NFS1: variants seen among roughly 807,000 people sequenced by gnomAD.
NFS1 encodes cysteine desulfurase.
Under a neutral mutation model 57.3 loss-of-function variants are expected in NFS1, and 26 were observed. The observed-to-expected ratio is 0.45, with a 90% CI of 0.33 to 0.63. NFS1 has a LOEUF of 0.63. NFS1 is among the 20% of genes least tolerant of loss of function. The pLI is 0.02. For missense variants in NFS1, 505 were observed against 605.8 expected, an observed-to-expected ratio of 0.83 and a Z score of 1.75; for synonymous variants, 209 against 216.3, an observed-to-expected ratio of 0.97 and a Z score of 0.30.
chr20:35,683,722 C>T (rs2034889599), intron 5 of NFS1, among the ~76,000 whole-genome samples: 1 of 143,098 alleles, frequency 7.0e-6, no homozygotes, highest in Non-Finnish European at 1.5e-5. Flanking sequence ...GCAGAGGTTG[C>T]AGTGAGCCGA....
At chr20:35,681,817 C>T in intron 6 of NFS1, 71 bp downstream of exon 6, 1 of 837,926 alleles carries the variant, frequency 1.2e-6, no homozygotes, top group Non-Finnish European at 2.1e-6. Flanking sequence ...TAGAGTATTA[C>T]AGCTCTCAGT....
intron 12 of NFS1, 84 bp downstream of exon 12, chr20:35,672,671 G>C: frequency 1.1e-6 from 1 of 928,122 alleles, no homozygotes; most frequent in Non-Finnish European, 1.8e-6. Context: ...CTTTGGTTTT[G>C]GCAGTGTAAA....
At chr20:35,672,143 A>T (rs1293007195) in intron 12 of NFS1, among the ~76,000 whole-genome samples, 1 of 151,608 alleles carries the variant, frequency 6.6e-6, no homozygotes, top group Non-Finnish European at 1.5e-5. Context: ...TATTTTTAGG[A>T]GAGACGGGGT....
chr20:35,672,814 C>G lies in NFS1; in HGVS notation c.1251G>C (p.Glu417Asp). 1 of 1,612,490 alleles carries G rather than the reference C, an allele frequency of 6.2e-7. No homozygotes were observed. ...ATTTCTCCACTGTGTAGTCCACTTCCTCCTCTGTAGTGAAGCGGCCAATTC... is the reference window on the plus strand; with the variant it reads ...ATTTCTCCACTGTGTAGTCCACTTCGTCCTCTGTAGTGAAGCGGCCAATTC... ...RFGIGRFTTEEEVDYTVEKCI... is the reference protein window; with the variant it reads ...RFGIGRFTTEDEVDYTVEKCI... Residue 417 changes from glutamate to aspartate, a missense_variant, in exon 12 of 13, where the codon GAG becomes GAC. Glu to Asp is a conservative substitution (Grantham distance 45, BLOSUM62 2). Transcript: ENST00000374092.
At chr20:35,673,567 G>A in intron 11 of NFS1, 34 bp downstream of exon 11, 1 of 1,549,574 alleles carries the variant, frequency 6.5e-7, no homozygotes, top group Non-Finnish European at 8.9e-7. Context: ...ATAAGAGGAT[G>A]CCTTTCATAA....
intron 10 of NFS1, 132 bp from the exon 11 acceptor site, chr20:35,673,816 G>A: frequency 1.6e-6 from 1 of 643,424 alleles, no homozygotes; most frequent in Non-Finnish European, 2.7e-6. Context: ...CTTCTAATCT[G>A]GCAGAACTAA....
chr20:35,693,479 T>C (rs948245339), intron 4 of NFS1, among the ~76,000 whole-genome samples: 1 of 152,152 alleles, frequency 6.6e-6, no homozygotes, highest in Non-Finnish European at 1.5e-5. Context: ...ATTAAAAACT[T>C]GGAAAGAAAA....
chr20:35,670,936 T>C (rs2034642171), intron 12 of NFS1, among the ~76,000 whole-genome samples: 1 of 152,074 alleles, frequency 6.6e-6, no homozygotes, highest in African/African-American at 2.4e-5. Context: ...AATTCCTCTC[T>C]CTACCAACTA....
At chr20:35,697,626 T>A in intron 3 of NFS1, 58 bp downstream of exon 3, 2 of 1,140,558 alleles carry the variant, frequency 1.8e-6, no homozygotes, top group South Asian at 2.9e-5. Context: ...AAGAAATGCC[T>A]CCCACAGGCC....
chr20:35,676,758 GAAA>G (rs746820595), intron 7 of NFS1, among the ~76,000 whole-genome samples: 6 of 18,132 alleles, frequency 3.3e-4, no homozygotes, highest in African/African-American at 7.6e-4. Flanking sequence ...GAGAAAATCA[GAAA>G]AAAAAAAAAA....
At chr20:35,698,259 A>G (rs1008111787) in intron 2 of NFS1, among the ~76,000 whole-genome samples, 1 of 152,224 alleles carries the variant, frequency 6.6e-6, no homozygotes, top group African/African-American at 2.4e-5. Flanking sequence ...TTTAACTAAT[A>G]CTATAGAGCC....
chr20:35,697,925 C>G, intron 2 of NFS1, 125 bp from the exon 3 acceptor site: 1 of 608,612 alleles, frequency 1.6e-6, no homozygotes, highest in Non-Finnish European at 2.9e-6. Context: ...CTAGAGGAGG[C>G]CTCAAACATT....
At chr20:35,697,839 C>A in intron 2 of NFS1, 39 bp from the exon 3 acceptor site, 1 of 1,440,362 alleles carries the variant, frequency 6.9e-7, no homozygotes. Flanking sequence ...TTGAGCGCAT[C>A]GTCAATTCAG....
chr20:35,674,409 T>C lies in NFS1; in HGVS notation c.1077A>G (p.Ala359=), dbSNP rs561521940. ...HYPGCINLSF[A]YVEGESLLMA... is the part of the protein sequence containing the mutation. ...TCAGCAGACTTTCCCCTTCCACATA[T>C]GCAAAGGAGAGGTTGATACAGCCTG... is the stretch of plus-strand genomic sequence containing the variant. Residue 359 remains alanine (A), a synonymous_variant, in exon 10 of 13, where the codon GCA becomes GCG. Transcript: ENST00000374092. 6.2e-7 allele frequency: 1 copy of C among 1,614,026 alleles called. No individual in the cohort carries two copies. The highest frequency in any genetic ancestry group is 8.5e-7 in the Non-Finnish European group (1 of 1,179,988).
At chr20:35,683,852 G>A (rs11699690) in intron 5 of NFS1, among the ~76,000 whole-genome samples, 15,325 of 151,102 alleles carry the variant, frequency 0.1, 809 homozygotes, top group South Asian at 0.15. Context: ...TCACACCTGG[G>A]TATGGTGGCT....
chr20:35,693,425 G>GT (rs1387034944), intron 4 of NFS1, among the ~76,000 whole-genome samples: 3 of 151,870 alleles, frequency 2.0e-5, no homozygotes, highest in Non-Finnish European at 4.4e-5. Context: ...CTTTCCATTG[G>GT]TTTTAAAAAA....
chr20:35,673,029 T>C (rs1025061013), intron 11 of NFS1, among the ~76,000 whole-genome samples, 185 bp from the exon 12 acceptor site: 3 of 152,216 alleles, frequency 2.0e-5, no homozygotes, highest in African/African-American at 7.2e-5. Context: ...GGCTCACGCC[T>C]GTAATTCCAA....
chr20:35,694,756 G>A (rs1016226131), intron 4 of NFS1: 4 of 152,166 alleles, frequency 2.6e-5, no homozygotes, highest in African/African-American at 9.7e-5. Flanking sequence ...GGGTGTGGTG[G>A]AGGGCGCCTG....
chr20:35,669,486 T>C lies in NFS1; in HGVS notation c.*136A>G, dbSNP rs563963641. Reference sequence around the variant, plus strand: ...AGACAGTTTTCTTGTGTTTCTGTCATAGAGGTGGACTGATGCTGAAGTCAA... The same window carrying C: ...AGACAGTTTTCTTGTGTTTCTGTCACAGAGGTGGACTGATGCTGAAGTCAA... On this transcript the variant is annotated 3_prime_UTR_variant, in exon 13 of 13. Coordinates refer to ENST00000374092, the MANE Select transcript of NFS1 (RefSeq NM_021100.5). 2.2e-5 allele frequency: 16 copies of C among 724,194 alleles called. No homozygotes were observed. Among genetic ancestry groups the C allele is most frequent in the South Asian group, 8.7e-5 (5 of 57,676 alleles). 44.9% of individuals were successfully genotyped at this position (724,194 alleles called of 1,614,324 possible).
Sources: allele counts gnomAD v4.1 joint callset (sites outside exome capture counted in the v4.1 genomes callset), GRCh38; gene constraint gnomAD v4.1.1; transcripts MANE v1.5; gene names NCBI Gene and HGNC (gene_info 2026-07-23, HGNC 2026-07-21).